REDIC1: variants seen among roughly 807,000 people sequenced by gnomAD.
REDIC1 encodes regulator of DNA class I crossover intermediates 1, also known as HEI10 Interacting Protein 1.
the REDIC1 span, among the ~76,000 whole-genome samples, chr12:39,653,572 T>TCTTCTTCTTCTTCTTCTTCTTCTTCTTC: frequency 9.6e-5 from 7 of 72,878 alleles, no homozygotes; most frequent in African/African-American, 8.7e-5. Flanking sequence ...TTCTTCTTCT[T>TCTTCTTCTTCTTCTTCTTCTTCTTCTTC]TTTCTTCCTC....
the REDIC1 span, among the ~76,000 whole-genome samples, chr12:39,724,210 G>C: frequency 7.2e-5 from 11 of 152,110 alleles, no homozygotes; most frequent in African/African-American, 2.7e-4. Flanking sequence ...ATAAGTCTTT[G>C]AAAGTGTGTT....
the REDIC1 span, among the ~76,000 whole-genome samples, chr12:39,850,396 G>T: frequency 7.9e-5 from 12 of 152,118 alleles, no homozygotes; most frequent in Non-Finnish European, 1.3e-4. Context: ...ACTGAGCCAT[G>T]GCACTCATTG....
the REDIC1 span, chr12:39,643,928 C>T: frequency 6.6e-7 from 1 of 1,509,060 alleles, no homozygotes; most frequent in African/African-American, 1.4e-5. Flanking sequence ...GTAAGTCATT[C>T]CAATTGCATT....
chr12:39,905,299 C>T, the REDIC1 span, among the ~76,000 whole-genome samples: 1 of 152,086 alleles, frequency 6.6e-6, no homozygotes, highest in African/African-American at 2.4e-5. Flanking sequence ...GGCTGCTCTC[C>T]ACAGATCCCA....
At chr12:39,683,130 T>A in the REDIC1 span, 12 of 1,595,448 alleles carry the variant, frequency 7.5e-6, no homozygotes, top group Non-Finnish European at 9.4e-6. Context: ...CAAGCAGCTC[T>A]GAAAGAAAAG....
chr12:39,803,374 A>G, the REDIC1 span, among the ~76,000 whole-genome samples: 1 of 152,202 alleles, frequency 6.6e-6, no homozygotes, highest in East Asian at 1.9e-4. Context: ...GTGGATAACA[A>G]CAATAAACAG....
the REDIC1 span, among the ~76,000 whole-genome samples, chr12:39,710,246 G>C: frequency 2.6e-5 from 4 of 151,790 alleles, no homozygotes; most frequent in Admixed American, 1.3e-4. Context: ...TTTTCCTGTA[G>C]AGAGATAATG....
chr12:39,654,999 T>C, the REDIC1 span, among the ~76,000 whole-genome samples: 1 of 152,332 alleles, frequency 6.6e-6, no homozygotes, highest in Admixed American at 6.5e-5. Flanking sequence ...TTCATCTAAG[T>C]TGCATGATTT....
At chr12:39,728,727 G>T in the REDIC1 span, among the ~76,000 whole-genome samples, 9 of 149,658 alleles carry the variant, frequency 6.0e-5, no homozygotes, top group Non-Finnish European at 1.3e-4. Flanking sequence ...AATGGTACCA[G>T]CTCCTCTGTG....
chr12:39,797,212 C>T, the REDIC1 span, among the ~76,000 whole-genome samples: 199 of 152,278 alleles, frequency 1.3e-3, 1 homozygote, highest in African/African-American at 4.5e-3. Flanking sequence ...AAAGTAAGCA[C>T]GCCAACATAC....
the REDIC1 span, chr12:39,746,175 C>G: frequency 6.6e-6 from 1 of 152,238 alleles, no homozygotes; most frequent in East Asian, 1.9e-4. Flanking sequence ...TCAGGGAATT[C>G]CCTTTCCTAG....
At chr12:39,760,324 T>C in the REDIC1 span, 2 of 1,407,650 alleles carry the variant, frequency 1.4e-6, no homozygotes, top group South Asian at 2.7e-5. Context: ...GATTACTTGA[T>C]TTTGACTTTT....
chr12:39,794,038 G>T, the REDIC1 span, among the ~76,000 whole-genome samples: 1 of 139,740 alleles, frequency 7.2e-6, no homozygotes, highest in Admixed American at 7.7e-5. Context: ...CTCTGATACT[G>T]AGAAAGTAAC....
chr12:39,749,344 C>A, the REDIC1 span, among the ~76,000 whole-genome samples: 2 of 152,186 alleles, frequency 1.3e-5, no homozygotes, highest in African/African-American at 4.8e-5. Context: ...TTCCTCGACA[C>A]ATACACCCTC....
the REDIC1 span, chr12:39,684,042 A>G: frequency 8.1e-4 from 523 of 647,670 alleles, 5 homozygotes; most frequent in Middle Eastern, 8.8e-3. Context: ...TGTTTTCTCT[A>G]TGTTCAAGAT....
At chr12:39,852,276 C>A in the REDIC1 span, among the ~76,000 whole-genome samples, 3 of 152,310 alleles carry the variant, frequency 2.0e-5, 1 homozygote, top group South Asian at 6.2e-4. Context: ...CTGAGAAATG[C>A]TGGTCAGATT....
the REDIC1 span, chr12:39,641,109 T>G: frequency 2.6e-6 from 2 of 767,164 alleles, no homozygotes; most frequent in Non-Finnish European, 4.3e-6. Context: ...TCCTTTGGTC[T>G]TCTACATCCT....
chr12:39,782,198 G>C, the REDIC1 span, among the ~76,000 whole-genome samples: 1 of 152,160 alleles, frequency 6.6e-6, no homozygotes, highest in Non-Finnish European at 1.5e-5. Context: ...CTGCTGTTAA[G>C]AAACCTTTGT....
At chr12:39,812,865 C>T in the REDIC1 span, among the ~76,000 whole-genome samples, 1 of 140,516 alleles carries the variant, frequency 7.1e-6, no homozygotes, top group Admixed American at 7.2e-5. Flanking sequence ...GATAGAGTCT[C>T]ACTCTGTCAC....
Sources: gnomAD v4.1 joint callset for allele counts (sites outside exome capture counted in the v4.1 genomes callset) on GRCh38, gnomAD v4.1.1 for gene constraint, MANE v1.5 for transcripts, NCBI Gene and HGNC (gene_info 2026-07-23, HGNC 2026-07-21) for gene names.